GABBR2: variants seen among roughly 807,000 people sequenced by gnomAD.
GABBR2 encodes the protein gamma-aminobutyric acid type B receptor subunit 2.
In GABBR2, 23 loss-of-function variants were observed where a neutral mutation model predicts 105.6. The observed-to-expected ratio is 0.22, with a 90% CI of 0.16 to 0.31. The LOEUF (loss-of-function observed/expected upper bound fraction) is 0.31, where lower values mean the gene tolerates loss of function less well. Ranked by LOEUF, GABBR2 falls within the 10% of genes least tolerant of loss-of-function variation. The pLI is 1.00. For synonymous variants in GABBR2, 478 were observed against 499.7 expected, an observed-to-expected ratio of 0.96 and a Z score of 0.58; for missense variants, 734 against 1,245.5, an observed-to-expected ratio of 0.59 and a Z score of 6.18.
chr9:98,460,314 T>G (rs561035546), intron 6 of GABBR2, among the ~76,000 whole-genome samples: 7 of 152,060 alleles, frequency 4.6e-5, no homozygotes, highest in African/African-American at 1.7e-4. Context: ...ACCTGGGAGG[T>G]GCAGTGAGCC....
chr9:98,552,557 G>C (rs1461433412), intron 2 of GABBR2, among the ~76,000 whole-genome samples: 2 of 152,166 alleles, frequency 1.3e-5, no homozygotes, highest in African/African-American at 4.8e-5. Flanking sequence ...GTGAAAAACT[G>C]TTTGGACAAA....
chr9:98,551,200 T>G (rs1301508612), intron 2 of GABBR2, among the ~76,000 whole-genome samples: 1 of 152,056 alleles, frequency 6.6e-6, no homozygotes, highest in Non-Finnish European at 1.5e-5. Flanking sequence ...GTCGGCAATT[T>G]GTGACCAGCC....
intron 13 of GABBR2, among the ~76,000 whole-genome samples, chr9:98,315,594 T>A (rs1830701434): frequency 6.6e-6 from 1 of 152,224 alleles, no homozygotes. Flanking sequence ...CAGTGGTCTG[T>A]GCAGCCACAC....
chr9:98,504,741 C>A (rs1186595733), intron 3 of GABBR2, among the ~76,000 whole-genome samples: 2 of 152,204 alleles, frequency 1.3e-5, no homozygotes, highest in Non-Finnish European at 2.9e-5. Flanking sequence ...TTAAACAGTT[C>A]ATTCAAGGAA....
intron 12 of GABBR2, among the ~76,000 whole-genome samples, chr9:98,366,210 A>G (rs1831673389): frequency 1.3e-5 from 2 of 152,220 alleles, no homozygotes; most frequent in Admixed American, 1.3e-4. Flanking sequence ...TAACTGTTCA[A>G]CAGATCCAGC....
intron 2 of GABBR2, among the ~76,000 whole-genome samples, chr9:98,576,432 C>T (rs935847685): frequency 2.0e-5 from 3 of 152,210 alleles, no homozygotes; most frequent in Admixed American, 2.0e-4. Flanking sequence ...TCACCTCCTC[C>T]AAGAGACCTT....
chr9:98,596,929 G>A (rs955307257), intron 1 of GABBR2, among the ~76,000 whole-genome samples: 3 of 152,138 alleles, frequency 2.0e-5, no homozygotes, highest in African/African-American at 7.2e-5. Context: ...CAAGCCTTAG[G>A]CAAGCACTGA....
intron 1 of GABBR2, among the ~76,000 whole-genome samples, chr9:98,602,476 G>GAAAA: frequency 9.1e-6 from 1 of 109,456 alleles, no homozygotes; most frequent in Non-Finnish European, 1.9e-5. Context: ...AAAAAAAAAT[G>GAAAA]GTAAATGTCT....
chr9:98,684,342 C>T (rs1802312770), intron 1 of GABBR2, among the ~76,000 whole-genome samples: 2 of 151,960 alleles, frequency 1.3e-5, no homozygotes, highest in Admixed American at 1.3e-4. Context: ...TCTTTATTTG[C>T]ATTTTCCAAA....
At chr9:98,390,493 T>C (rs1383068039) in intron 9 of GABBR2, among the ~76,000 whole-genome samples, 1 of 151,510 alleles carries the variant, frequency 6.6e-6, no homozygotes, top group Non-Finnish European at 1.5e-5. Context: ...TCAAGGAACC[T>C]GCTGATGTGG....
At chr9:98,586,162 A>G (rs1457063485) in intron 1 of GABBR2, among the ~76,000 whole-genome samples, 1 of 152,126 alleles carries the variant, frequency 6.6e-6, no homozygotes, top group Non-Finnish European at 1.5e-5. Context: ...AACAGACAGT[A>G]TATCCAGCAT....
intron 4 of GABBR2, among the ~76,000 whole-genome samples, chr9:98,482,050 G>A (rs1383681211): frequency 6.6e-6 from 1 of 152,174 alleles, no homozygotes; most frequent in Non-Finnish European, 1.5e-5. Context: ...GCCAGGCCCT[G>A]GCCCAAACAC....
intron 1 of GABBR2, among the ~76,000 whole-genome samples, chr9:98,616,245 T>C (rs2131817778): frequency 6.6e-6 from 1 of 152,266 alleles, no homozygotes; most frequent in East Asian, 1.9e-4. Flanking sequence ...ATCCTCAGGG[T>C]CTTTGACATT....
chr9:98,468,652 A>G (rs1390625527), intron 6 of GABBR2, among the ~76,000 whole-genome samples: 2 of 152,226 alleles, frequency 1.3e-5, no homozygotes, highest in Non-Finnish European at 2.9e-5. Context: ...AGCTTGCTGT[A>G]ATAACTCCAC....
intron 1 of GABBR2, among the ~76,000 whole-genome samples, chr9:98,701,881 C>G (rs966836389): frequency 1.3e-5 from 2 of 152,128 alleles, no homozygotes; most frequent in Admixed American, 1.3e-4. Flanking sequence ...TTCCTTATAA[C>G]AGCCCTGTGA....
intron 11 of GABBR2, among the ~76,000 whole-genome samples, chr9:98,375,463 G>A (rs1490554845): frequency 6.6e-6 from 1 of 152,152 alleles, no homozygotes; most frequent in Non-Finnish European, 1.5e-5. Flanking sequence ...ACTAGATGAA[G>A]CTACTGGGAG....
intron 7 of GABBR2, among the ~76,000 whole-genome samples, chr9:98,450,466 A>G (rs1826211732): frequency 6.6e-6 from 1 of 152,208 alleles, no homozygotes; most frequent in Admixed American, 6.5e-5. Flanking sequence ...GGAAGGTAAC[A>G]TGGAGTGCAG....
In GABBR2 at chr9:98,292,856, GCAGGGGACACA is replaced by G. The variant is rs1830322741; in HGVS notation, c.2660+918_2660+928del. On this transcript the variant is annotated intron_variant, in intron 18 of 18. Coordinates refer to ENST00000259455, the MANE Select transcript of GABBR2 (RefSeq NM_005458.8). ...TTCACTGGCAGAACCTGTGTTCGGT[GCAGGGGACACA>G]TGAAGGACTCATAACTTACTCTCAA... Among the ~76,000 whole-genome samples, 3 of 152,330 alleles carry G rather than the reference GCAGGGGACACA, an allele frequency of 2.0e-5. No homozygotes were observed. In the South Asian group the frequency reaches 6.2e-4, roughly 32 times the overall value.
intron 7 of GABBR2, among the ~76,000 whole-genome samples, chr9:98,412,095 C>G (rs1661492686): frequency 6.6e-6 from 1 of 152,328 alleles, no homozygotes; most frequent in South Asian, 2.1e-4. Flanking sequence ...GTTGGGGCCT[C>G]TCTTTTTTCC....
Sources: gnomAD v4.1 joint callset for allele counts (sites outside exome capture counted in the v4.1 genomes callset) on GRCh38, gnomAD v4.1.1 for gene constraint, MANE v1.5 for transcripts, NCBI Gene and HGNC (gene_info 2026-07-23, HGNC 2026-07-21) for gene names.